DOCK9: variants seen among roughly 807,000 people sequenced by gnomAD.
The protein encoded by DOCK9 is dedicator of cytokinesis protein 9.
In DOCK9, 89 loss-of-function variants were observed where a neutral mutation model predicts 263.3. That is an observed-to-expected ratio of 0.34 (90% CI 0.28 to 0.40). The LOEUF is 0.40. Among genes scored for constraint, DOCK9 ranks in the 10% least tolerant of loss-of-function variants. The probability of loss-of-function intolerance (pLI) is 1.00; values close to 1 mark genes in which losing one functional copy is unlikely to be tolerated. For synonymous variants in DOCK9, 976 were observed against 973.1 expected, an observed-to-expected ratio of 1.00 and a Z score of -0.06; for missense variants, 2,140 against 2,603.4, an observed-to-expected ratio of 0.82 and a Z score of 3.87.
intron 2 of DOCK9, among the ~76,000 whole-genome samples, chr13:98,937,027 A>G (rs964725606): frequency 6.4e-4 from 98 of 152,168 alleles, no homozygotes; most frequent in African/African-American, 2.3e-3. Flanking sequence ...CTACTTTTCT[A>G]TCAGTTAAAA....
chr13:99,060,624 TAAC>T (rs1306046098), intron 1 of DOCK9, among the ~76,000 whole-genome samples: 1 of 152,170 alleles, frequency 6.6e-6, no homozygotes, highest in Non-Finnish European at 1.5e-5. Flanking sequence ...CTTACCAACA[TAAC>T]AATAACAGAC....
chr13:98,900,027 C>A (rs1021372744), intron 13 of DOCK9, among the ~76,000 whole-genome samples: 1 of 152,296 alleles, frequency 6.6e-6, no homozygotes, highest in African/African-American at 2.4e-5. Flanking sequence ...AGAAAAAAAT[C>A]ATCTCACTGT....
intron 1 of DOCK9, among the ~76,000 whole-genome samples, chr13:99,041,636 G>C (rs965287484): frequency 7.2e-5 from 11 of 152,184 alleles, no homozygotes; most frequent in African/African-American, 1.9e-4. Context: ...AGGTTAGATG[G>C]TGTTCCCCAA....
At chr13:98,985,412 G>C (rs1323691779) in intron 1 of DOCK9, among the ~76,000 whole-genome samples, 2 of 151,952 alleles carry the variant, frequency 1.3e-5, no homozygotes, top group South Asian at 4.2e-4. Context: ...CTACCCGCAG[G>C]TAGAAAGCTC....
chr13:98,832,552 T>C (rs1452441008), intron 39 of DOCK9, among the ~76,000 whole-genome samples: 2 of 152,192 alleles, frequency 1.3e-5, no homozygotes, highest in South Asian at 4.1e-4. Flanking sequence ...CAAGATTTCC[T>C]CATGTCAGTA....
chr13:98,803,894 G>A (rs1242583169), intron 49 of DOCK9, among the ~76,000 whole-genome samples: 1 of 150,834 alleles, frequency 6.6e-6, no homozygotes, highest in Non-Finnish European at 1.5e-5. Flanking sequence ...AGTGTGAAAA[G>A]CTCCCTGCAA....
At chr13:98,928,770 G>A (rs1475463590) in intron 3 of DOCK9, among the ~76,000 whole-genome samples, 1 of 152,148 alleles carries the variant, frequency 6.6e-6, no homozygotes, top group Non-Finnish European at 1.5e-5. Context: ...TTGGCTACAG[G>A]CTGGATTTTG....
chr13:98,975,524 A>C (rs1408312927), intron 1 of DOCK9, among the ~76,000 whole-genome samples: 1 of 150,946 alleles, frequency 6.6e-6, no homozygotes, highest in Non-Finnish European at 1.5e-5. Context: ...ATACTGTTCT[A>C]GGCACAGGAG....
rs761997544 is a variant in DOCK9 at position 98,810,288 on chromosome 13, C to A, written c.5134G>T (p.Val1712Leu). 1 of 1,613,416 alleles carries A rather than the reference C, an allele frequency of 6.2e-7. No individual in the cohort carries two copies. The highest frequency in any genetic ancestry group is 8.5e-7 in the Non-Finnish European group (1 of 1,179,876). ...CACTGCTCAAGGAGCTCCATCAGCA[C>A]ATCCTGATCAAAGAGGAGGGCCAAC... ...GMQDVHFNED[V>L]LMELLEQCAD... The change falls in exon 46 of 53, where the codon GTG (valine) becomes TTG (leucine). Residue 1712 changes from valine (V) to leucine (L), a missense_variant. By Grantham distance (32) the Val-to-Leu change is conservative. Coordinates refer to ENST00000682017, the MANE Select transcript of DOCK9 (RefSeq NM_001366683.2).
intron 52 of DOCK9, among the ~76,000 whole-genome samples, 185 bp downstream of exon 52, chr13:98,796,930 A>G (rs962171266): frequency 1.3e-5 from 2 of 152,168 alleles, no homozygotes; most frequent in African/African-American, 2.4e-5. Context: ...AGATAACAGC[A>G]TATGGGCAAT....
chr13:99,002,083 C>A (rs1400343790), intron 1 of DOCK9, among the ~76,000 whole-genome samples: 3 of 152,164 alleles, frequency 2.0e-5, no homozygotes. Context: ...GCACTGTTAC[C>A]CCTGCTCCCT....
intron 2 of DOCK9, 150 bp from the exon 3 acceptor site, chr13:98,930,407 A>G: frequency 1.5e-6 from 1 of 660,486 alleles, no homozygotes; most frequent in South Asian, 1.7e-5. Flanking sequence ...CTTCCGTCAC[A>G]CACAACAGAT....
intron 1 of DOCK9, among the ~76,000 whole-genome samples, chr13:99,065,919 C>T (rs892258090): frequency 6.6e-6 from 1 of 152,194 alleles, no homozygotes; most frequent in African/African-American, 2.4e-5. Flanking sequence ...TTAATTGATG[C>T]ATGTACGAAA....
intron 1 of DOCK9, among the ~76,000 whole-genome samples, chr13:99,027,902 A>G (rs563697537): frequency 6.6e-6 from 1 of 152,324 alleles, no homozygotes; most frequent in South Asian, 2.1e-4. Flanking sequence ...CAGGTGACCC[A>G]GCGGAAGAAT....
intron 1 of DOCK9, among the ~76,000 whole-genome samples, chr13:98,994,820 A>G (rs1880632624): frequency 6.6e-6 from 1 of 152,170 alleles, no homozygotes; most frequent in Non-Finnish European, 1.5e-5. Context: ...CTACAAAAAA[A>G]TTAAGAACAT....
chr13:98,942,429 G>A lies in DOCK9; in HGVS notation c.244-12172C>T, dbSNP rs550809532. Among the ~76,000 whole-genome samples the A allele has an allele frequency of 1.1e-3, 161 of 152,002 alleles. 1 individual carries two copies. Among genetic ancestry groups the A allele is most frequent in the African/African-American group, 3.8e-3 (157 of 41,426 alleles). On this transcript the variant is annotated intron_variant, in intron 2 of 52. Transcript: ENST00000682017. ...AATTTTTTGTATTTTAAGTAGAGAT[G>A]GGGTTTTGCCGTGTTAGCCAGGATG... is the stretch of plus-strand genomic sequence containing the variant.
At chr13:98,821,726 G>A (rs926994429) in intron 45 of DOCK9, among the ~76,000 whole-genome samples, 4 of 152,114 alleles carry the variant, frequency 2.6e-5, no homozygotes, top group Non-Finnish European at 4.4e-5. Flanking sequence ...TCTGCTCTTC[G>A]GCTCAGAATC....
At chr13:98,879,820 G>T in intron 27 of DOCK9, 78 bp downstream of exon 27, 3 of 1,236,454 alleles carry the variant, frequency 2.4e-6, no homozygotes, top group South Asian at 1.4e-5. Flanking sequence ...GAGAAAGCAT[G>T]AAGAAACGTT....
intron 21 of DOCK9, among the ~76,000 whole-genome samples, chr13:98,884,364 C>T (rs1276645969): frequency 1.3e-5 from 2 of 152,202 alleles, no homozygotes; most frequent in African/African-American, 4.8e-5. Flanking sequence ...ATTTATTCTT[C>T]TTTGGGAAAA....
Sources: allele counts gnomAD v4.1 joint callset (sites outside exome capture counted in the v4.1 genomes callset), GRCh38; gene constraint gnomAD v4.1.1; transcripts MANE v1.5; gene names NCBI Gene and HGNC (gene_info 2026-07-23, HGNC 2026-07-21).